Variants in SNX8 observed in about 807,000 individuals in gnomAD.
SNX8 encodes sorting nexin-8.
SNX8 carries 25 observed loss-of-function variants against 51.6 expected under a neutral mutation model. The ratio of observed to expected loss-of-function variants is 0.48; its 90% CI spans 0.35 to 0.68. The LOEUF (loss-of-function observed/expected upper bound fraction) is 0.68. Ranked by LOEUF, SNX8 falls within the 30% of genes least tolerant of loss-of-function variation. SNX8 has a pLI of 0.00. For synonymous variants in SNX8, 324 were observed against 277.0 expected (o/e 1.17, Z -1.68); for missense variants, 695 against 624.0 (o/e 1.11, Z -1.21).
intron 1 of SNX8, among the ~76,000 whole-genome samples, chr7:2,336,615 G>A (rs1016440179): frequency 4.0e-5 from 6 of 151,674 alleles, no homozygotes; most frequent in Admixed American, 3.9e-4. Context: ...GGCTGAGGTA[G>A]GAGAATTGCT....
At chr7:2,340,907 G>A (rs1190234310) in intron 1 of SNX8, among the ~76,000 whole-genome samples, 1 of 148,168 alleles carries the variant, frequency 6.7e-6, no homozygotes, top group Non-Finnish European at 1.5e-5. Flanking sequence ...TCAGTACTCG[G>A]GTACAGTGGC....
intron 7 of SNX8, among the ~76,000 whole-genome samples, chr7:2,261,303 C>T (rs1795328957): frequency 6.6e-6 from 1 of 152,126 alleles, no homozygotes; most frequent in Admixed American, 6.5e-5. Context: ...TGTGGTGGTG[C>T]ACACCTGTAA....
In SNX8 at chr7:2,254,986, T is replaced by A; in HGVS notation, c.*70A>T. Reference sequence around the variant, plus strand: ...AGGGGAGCTGCCGTCCAAAGGGAATTACACCGGGACACACCGTTTGGAAAG... The same window carrying A: ...AGGGGAGCTGCCGTCCAAAGGGAATAACACCGGGACACACCGTTTGGAAAG... On this transcript the variant is annotated 3_prime_UTR_variant, in exon 11 of 11. Transcript: ENST00000222990. 1 of 1,066,158 alleles carries A rather than the reference T, an allele frequency of 9.4e-7. No individual in the cohort carries two copies. The allele number at this position is 1,066,158 out of a possible 1,614,324, so 66.0% of individuals were successfully genotyped here.
intron 1 of SNX8, among the ~76,000 whole-genome samples, chr7:2,323,952 T>A (rs1778583233): frequency 6.6e-6 from 1 of 151,822 alleles, no homozygotes; most frequent in Non-Finnish European, 1.5e-5. Flanking sequence ...AAACCCCGTC[T>A]CTACTAAAAA....
chr7:2,338,960 G>A (rs1318654765), intron 1 of SNX8, among the ~76,000 whole-genome samples: 1 of 152,088 alleles, frequency 6.6e-6, no homozygotes, highest in Non-Finnish European at 1.5e-5. Flanking sequence ...ACCCAGGCTG[G>A]AGTGCACTGG....
chr7:2,284,478 T>A (rs1379676519), intron 1 of SNX8, among the ~76,000 whole-genome samples: 1 of 136,404 alleles, frequency 7.3e-6, no homozygotes, highest in Non-Finnish European at 1.5e-5. Flanking sequence ...CTCAGTTCAC[T>A]GCAATCTCCG....
intron 3 of SNX8, among the ~76,000 whole-genome samples, chr7:2,273,330 A>G (rs1795692809): frequency 6.6e-6 from 1 of 151,876 alleles, no homozygotes; most frequent in Non-Finnish European, 1.5e-5. Flanking sequence ...CACACCTGTA[A>G]TCCCAGCACT....
chr7:2,299,026 G>A (rs1796334691), intron 1 of SNX8, among the ~76,000 whole-genome samples: 1 of 151,856 alleles, frequency 6.6e-6, no homozygotes, highest in South Asian at 2.1e-4. Flanking sequence ...CTATACTCCT[G>A]ATACCAAATT....
chr7:2,296,759 C>A (rs563753191), intron 1 of SNX8, among the ~76,000 whole-genome samples: 2 of 151,726 alleles, frequency 1.3e-5, no homozygotes, highest in Admixed American at 1.3e-4. Flanking sequence ...GGTTAAACCC[C>A]ATCTCTACAA....
chr7:2,301,960 C>A (rs554783382), intron 1 of SNX8, among the ~76,000 whole-genome samples: 1 of 152,108 alleles, frequency 6.6e-6, no homozygotes. Context: ...AGTTGGGGAT[C>A]GGCCAGGCGC....
intron 1 of SNX8, among the ~76,000 whole-genome samples, chr7:2,345,481 C>A (rs1021208001): frequency 4.6e-5 from 7 of 151,834 alleles, no homozygotes; most frequent in African/African-American, 1.7e-4. Context: ...AGTTCAAGAC[C>A]AGCCTGGCCC....
At position 2,257,042 on chromosome 7, in the gene SNX8, C is replaced by T. The variant is rs759817128; in HGVS notation, c.1135-19G>A. 6.3e-7 allele frequency: 1 copy of T among 1,585,536 alleles called. No individual in the cohort carries two copies. The highest frequency in any genetic ancestry group is 8.6e-7 in the Non-Finnish European group (1 of 1,162,592). ...TCTCCTGCTGCGGAGCAAACAGCCG[C>T]CTTTCGCACCCGGCCCAGCCGGCGA... On this transcript the variant is annotated intron_variant, in intron 9 of 10. Coordinates refer to ENST00000222990, the MANE Select transcript of SNX8 (RefSeq NM_013321.4).
At chr7:2,293,516 G>T (rs1796200427) in intron 1 of SNX8, among the ~76,000 whole-genome samples, 1 of 150,650 alleles carries the variant, frequency 6.6e-6, no homozygotes, top group Non-Finnish European at 1.5e-5. Flanking sequence ...ACAAAAATTA[G>T]CTGGGTGTGG....
At chr7:2,319,083 A>G (rs1263413136), upstream of SNX8, among the ~76,000 whole-genome samples, 4 of 152,194 alleles carry the variant, frequency 2.6e-5, no homozygotes, top group Admixed American at 2.6e-4. Flanking sequence ...TCACGCCTGT[A>G]ACCCCAGCAC....
intron 1 of SNX8, among the ~76,000 whole-genome samples, chr7:2,343,770 G>C (rs1470567349): frequency 1.3e-5 from 2 of 152,154 alleles, no homozygotes; most frequent in African/African-American, 4.8e-5. Context: ...TGTAATCCTA[G>C]CACTTTGGGA....
chr7:2,257,597 G>A (rs1795221898), intron 8 of SNX8, 83 bp from the exon 9 acceptor site: 2 of 1,580,028 alleles, frequency 1.3e-6, no homozygotes, highest in African/African-American at 1.3e-5. Context: ...AAGCACCCCC[G>A]CCAGACGGAA....
intron 1 of SNX8, among the ~76,000 whole-genome samples, chr7:2,305,103 G>A (rs527430964): frequency 1.3e-5 from 2 of 152,036 alleles, no homozygotes; most frequent in Non-Finnish European, 2.9e-5. Flanking sequence ...GAAACAGCTG[G>A]ACTCAACAGA....
intron 1 of SNX8, among the ~76,000 whole-genome samples, chr7:2,347,595 T>C (rs944305814): frequency 2.0e-5 from 3 of 150,100 alleles, no homozygotes; most frequent in Non-Finnish European, 4.4e-5. Flanking sequence ...TTCAGATGAT[T>C]TGGGGCCACA....
chr7:2,260,199 G>A (rs929849437), intron 7 of SNX8, among the ~76,000 whole-genome samples: 2 of 152,040 alleles, frequency 1.3e-5, no homozygotes, highest in African/African-American at 2.4e-5. Flanking sequence ...AGGTTCAAGC[G>A]ATTCTCTCCT....
Sources: allele counts gnomAD v4.1 joint callset (sites outside exome capture counted in the v4.1 genomes callset), GRCh38; gene constraint gnomAD v4.1.1; transcripts MANE v1.5; gene names NCBI Gene and HGNC (gene_info 2026-07-23, HGNC 2026-07-21).